KDM4B: variants seen among roughly 807,000 people sequenced by gnomAD.
The protein encoded by KDM4B is lysine demethylase 4B, also known as lysine-specific demethylase 4B.
KDM4B carries 32 observed loss-of-function variants against 125.2 expected under a neutral mutation model. The observed-to-expected ratio is 0.26, with a 90% confidence interval of 0.19 to 0.34. The LOEUF (loss-of-function observed/expected upper bound fraction) is 0.34, where lower values mean the gene tolerates loss of function less well. KDM4B is among the 10% of genes least tolerant of loss of function. The pLI, the probability that KDM4B is intolerant of heterozygous loss-of-function variation, is 1.00. For synonymous variants in KDM4B, 721 were observed against 677.9 expected (o/e 1.06, Z -0.99); for missense variants, 1,190 against 1,577.7 (o/e 0.75, Z 4.16).
At chr19:4,974,068 T>G (rs2034356705) in intron 1 of KDM4B, among the ~76,000 whole-genome samples, 2 of 151,010 alleles carry the variant, frequency 1.3e-5, no homozygotes, top group South Asian at 4.2e-4. Context: ...GCCACTGCAC[T>G]CCAGCCTGGG....
At position 5,070,823 on chromosome 19, in the gene KDM4B, C is replaced by A. The variant is rs143379578; in HGVS notation, c.627-187C>A. 4,688 of 541,008 alleles carry A rather than the reference C, an allele frequency of 8.7e-3. 37 individuals are homozygous for A. The highest frequency in any genetic ancestry group is 0.013 in the Non-Finnish European group (3,978 of 304,752). 33.5% of individuals were successfully genotyped at this position (541,008 alleles called of 1,614,324 possible). A position where few individuals can be genotyped will look rare whatever the true frequency, so the allele number is the denominator to read the frequency against. Reference sequence around the variant, plus strand: ...CCGCTCCTCCACCTGCCCCACCTCGCTTCCTTACGGATTCCGTCCTGAAAG... The same window carrying A: ...CCGCTCCTCCACCTGCCCCACCTCGATTCCTTACGGATTCCGTCCTGAAAG... On this transcript the variant is annotated intron_variant, in intron 6 of 22. Transcript: ENST00000159111.
chr19:4,981,869 A>G (rs916257815), intron 1 of KDM4B, among the ~76,000 whole-genome samples: 1 of 152,194 alleles, frequency 6.6e-6, no homozygotes, highest in Admixed American at 6.5e-5. Context: ...ACCCCATGGC[A>G]GGGGGCGGTC....
intron 21 of KDM4B, among the ~76,000 whole-genome samples, chr19:5,147,477 G>C (rs2039871647): frequency 6.6e-6 from 1 of 152,288 alleles, no homozygotes; most frequent in South Asian, 2.1e-4. Context: ...CAGGCGCGGG[G>C]GCTCATGCTG....
At chr19:5,033,666 A>G (rs2036528455) in intron 3 of KDM4B, among the ~76,000 whole-genome samples, 1 of 152,242 alleles carries the variant, frequency 6.6e-6, no homozygotes, top group Non-Finnish European at 1.5e-5. Context: ...GCGACAGCGC[A>G]GGTACATAGT....
chr19:5,143,695 G>A (rs757874298), intron 18 of KDM4B, among the ~76,000 whole-genome samples: 30 of 152,106 alleles, frequency 2.0e-4, no homozygotes, highest in East Asian at 1.9e-4. Flanking sequence ...CTCCCCGGGG[G>A]CTGATCTGTC....
intron 1 of KDM4B, among the ~76,000 whole-genome samples, chr19:4,987,309 C>T (rs918942143): frequency 1.3e-5 from 2 of 152,184 alleles, no homozygotes; most frequent in South Asian, 2.1e-4. Context: ...CGCTCTTGGC[C>T]GATTGCGGTC....
At chr19:5,025,811 C>G (rs962889157) in intron 2 of KDM4B, among the ~76,000 whole-genome samples, 1 of 152,250 alleles carries the variant, frequency 6.6e-6, no homozygotes, top group African/African-American at 2.4e-5. Flanking sequence ...CGCTGCCACC[C>G]AGACCTCTCT....
chr19:5,109,570 G>A (rs2039099417), intron 9 of KDM4B, among the ~76,000 whole-genome samples: 1 of 152,186 alleles, frequency 6.6e-6, no homozygotes, highest in South Asian at 2.1e-4. Context: ...CAAACACAAG[G>A]GGCCATCCTA....
At chr19:5,079,184 C>G (rs2038212867) in intron 8 of KDM4B, 1 of 152,212 alleles carries the variant, frequency 6.6e-6, no homozygotes, top group South Asian at 2.1e-4. Context: ...CATTGACTCC[C>G]TCATTTATTC....
chr19:5,130,929 G>C, intron 11 of KDM4B, 147 bp from the exon 12 acceptor site: 1 of 619,554 alleles, frequency 1.6e-6, no homozygotes, highest in Non-Finnish European at 2.7e-6. Flanking sequence ...CGAAGCCTGT[G>C]TTCTCTGCCC....
chr19:5,063,503 C>T (rs1019306116), intron 6 of KDM4B, among the ~76,000 whole-genome samples: 1 of 152,230 alleles, frequency 6.6e-6, no homozygotes, highest in Non-Finnish European at 1.5e-5. Context: ...ACCACCTGGG[C>T]TGGTGCCTTT....
At chr19:4,988,430 C>A (rs2034919812) in intron 1 of KDM4B, among the ~76,000 whole-genome samples, 1 of 152,266 alleles carries the variant, frequency 6.6e-6, no homozygotes, top group South Asian at 2.1e-4. Flanking sequence ...TGCCCGCCAC[C>A]ACGCCCGGCT....
intron 11 of KDM4B, among the ~76,000 whole-genome samples, chr19:5,126,298 C>T (rs2613802): frequency 0.24 from 36,393 of 151,966 alleles, 4,784 homozygotes; most frequent in East Asian, 0.62. Flanking sequence ...GAAGAGCGGC[C>T]GCCCTATTGC....
At chr19:5,060,432 C>CAAAAAAAA (rs2037550478) in intron 6 of KDM4B, among the ~76,000 whole-genome samples, 1 of 36,792 alleles carries the variant, frequency 2.7e-5, no homozygotes, top group African/African-American at 1.1e-4. Context: ...GACTCTGTCT[C>CAAAAAAAA]CAAAAAAAAA....
At chr19:5,031,020 C>T (rs1450203474) in intron 2 of KDM4B, among the ~76,000 whole-genome samples, 1 of 152,226 alleles carries the variant, frequency 6.6e-6, no homozygotes, top group African/African-American at 2.4e-5. Flanking sequence ...GCTACTGGCC[C>T]AGCTCAGGCC....
chr19:5,066,305 CTGCCCACCTGCCCG>C (rs2037766619), intron 6 of KDM4B, among the ~76,000 whole-genome samples: 1 of 152,198 alleles, frequency 6.6e-6, no homozygotes, highest in Admixed American at 6.5e-5. Flanking sequence ...GGTCCGGGGG[CTGCCCACCTGCCCG>C]TGCCCACCCA....
chr19:5,077,298 A>T, intron 7 of KDM4B, 69 bp from the exon 8 acceptor site: 1 of 1,328,802 alleles, frequency 7.5e-7, no homozygotes, highest in Non-Finnish European at 1.1e-6. Context: ...GCCTGCCCAG[A>T]GGGCAGCATC....
At chr19:5,100,904 G>A (rs1331480536) in intron 9 of KDM4B, among the ~76,000 whole-genome samples, 1 of 151,952 alleles carries the variant, frequency 6.6e-6, no homozygotes, top group Non-Finnish European at 1.5e-5. Flanking sequence ...ATTGATTGAC[G>A]ATAGGTTTAA....
chr19:5,033,662 G>A (rs2036528191), intron 3 of KDM4B, among the ~76,000 whole-genome samples: 1 of 152,218 alleles, frequency 6.6e-6, no homozygotes, highest in Admixed American at 6.5e-5. Context: ...CAGGGCGACA[G>A]CGCAGGTACA....
Sources: gnomAD v4.1 joint callset for allele counts (sites outside exome capture counted in the v4.1 genomes callset) on GRCh38, gnomAD v4.1.1 for gene constraint, MANE v1.5 for transcripts, NCBI Gene and HGNC (gene_info 2026-07-23, HGNC 2026-07-21) for gene names.